PPP1R16B: variants seen among roughly 807,000 people sequenced by gnomAD.
PPP1R16B encodes protein phosphatase 1 regulatory inhibitor subunit 16B.
PPP1R16B carries 14 observed loss-of-function variants against 61.7 expected under a neutral mutation model. That is an observed-to-expected ratio of 0.23 (90% CI 0.15 to 0.35). PPP1R16B has a LOEUF of 0.35. Among genes scored for constraint, PPP1R16B ranks in the 10% least tolerant of loss-of-function variants. PPP1R16B has a pLI of 1.00. For missense variants in PPP1R16B, 547 were observed against 752.5 expected, an observed-to-expected ratio of 0.73 and a Z score of 3.19; for synonymous variants, 266 against 305.3, an observed-to-expected ratio of 0.87 and a Z score of 1.34.
At chr20:38,915,580 G>T (rs1419778072) in intron 10 of PPP1R16B, among the ~76,000 whole-genome samples, 1 of 152,100 alleles carries the variant, frequency 6.6e-6, no homozygotes, top group Non-Finnish European at 1.5e-5. Context: ...CTGCCTCCTG[G>T]TTCAAACAAT....
At chr20:38,870,785 C>T (rs2085123560) in intron 2 of PPP1R16B, among the ~76,000 whole-genome samples, 1 of 152,154 alleles carries the variant, frequency 6.6e-6, no homozygotes. Context: ...GTTCTCAGCT[C>T]CAAGAGGCAG....
intron 2 of PPP1R16B, among the ~76,000 whole-genome samples, chr20:38,867,985 T>G (rs779074327): frequency 3.9e-5 from 6 of 152,200 alleles, no homozygotes; most frequent in Non-Finnish European, 7.4e-5. Context: ...GATTCTTTGA[T>G]TCTATCAGTT....
intron 1 of PPP1R16B, among the ~76,000 whole-genome samples, chr20:38,822,504 C>CT (rs972450839): frequency 0.021 from 2,226 of 104,198 alleles, 70 homozygotes; most frequent in East Asian, 0.092. Flanking sequence ...GCCTTCCAAT[C>CT]TTTTTTTTTT....
rs879146466 is a variant in PPP1R16B at position 38,895,970 on chromosome 20, C to T, written c.467+260C>T. ...CTCCCTCCCTCCTTTCTTCTTTCTT[C>T]CCTCCCTCCCTCCTTCCTTCTTTCT... On this transcript the variant is annotated intron_variant, in intron 4 of 10. Coordinates refer to ENST00000299824, the MANE Select transcript of PPP1R16B (RefSeq NM_015568.4). Among the ~76,000 whole-genome samples, 42 of 91,064 alleles carry T rather than the reference C, an allele frequency of 4.6e-4. 1 individual carries two copies. Among genetic ancestry groups the T allele is most frequent in the African/African-American group, 7.5e-4 (14 of 18,744 alleles). 59.7% of individuals were successfully genotyped at this position (91,064 alleles called of 152,430 possible). A position where few individuals can be genotyped will look rare whatever the true frequency, so the allele number is the denominator to read the frequency against.
At chr20:38,834,517 G>A (rs895168214) in intron 1 of PPP1R16B, among the ~76,000 whole-genome samples, 6 of 152,166 alleles carry the variant, frequency 3.9e-5, no homozygotes, top group African/African-American at 1.2e-4. Context: ...ACTCATGAGA[G>A]CAAGGATGTA....
intron 10 of PPP1R16B, among the ~76,000 whole-genome samples, chr20:38,915,129 CTGATGAGCCAATAT>C (rs1318555198): frequency 6.6e-6 from 1 of 152,156 alleles, no homozygotes; most frequent in African/African-American, 2.4e-5. Context: ...TATGTTATCA[CTGATGAGCCAATAT>C]TGATACATTA....
chr20:38,915,092 A>G (rs1006290283), intron 10 of PPP1R16B, among the ~76,000 whole-genome samples: 4 of 152,046 alleles, frequency 2.6e-5, no homozygotes, highest in African/African-American at 9.7e-5. Context: ...TTCCCCTGTT[A>G]TTAACAACTA....
rs1342211632 is a variant in PPP1R16B, at chr20:38,850,505, G to A, written c.250+14330G>A. The stretch of plus-strand genomic sequence containing the variant: ...CAATAAGGATTTGCCTTCTAGACCA[G>A]AATTGTGCAATAGAATTTTTTTCTG... On this transcript the variant is annotated intron_variant, in intron 2 of 10. Transcript: ENST00000299824. Among the ~76,000 whole-genome samples, 3 of 152,174 alleles carry A rather than the reference G, an allele frequency of 2.0e-5. No homozygotes were observed. In the East Asian group the frequency reaches 5.8e-4, roughly 29 times the overall value.
rs1601223520 is a variant in PPP1R16B, at chr20:38,806,480, A to T, written c.-102+688A>T. On this transcript the variant is annotated intron_variant, in intron 1 of 10. Transcript: ENST00000299824. The surrounding 1 kb of genome is among the most constrained non-coding windows in gnomAD (Gnocchi z 4.5). ...CGCCGGCGGCTGGGTCCCCCGCGCC[A>T]GGAGCGCTCCCCTCTGGGCGACTCC... 1.3e-5 allele frequency among the ~76,000 whole-genome samples: 2 copies of T among 151,938 alleles called. 1 individual carries two copies. The highest frequency in any genetic ancestry group is 4.1e-4 in the South Asian group (2 of 4,828).
intron 3 of PPP1R16B, 32 bp from the exon 4 acceptor site, chr20:38,895,533 T>C (rs1224791170): frequency 6.2e-7 from 1 of 1,609,694 alleles, no homozygotes; most frequent in Non-Finnish European, 8.5e-7. Flanking sequence ...GTGCCCTGCC[T>C]GGAGCTGACT....
At position 38,918,432 on chromosome 20, in the gene PPP1R16B, C is replaced by T. The variant is rs145267727; in HGVS notation, c.1470C>T (p.Ala490=). 2 of 1,614,074 alleles carry T rather than the reference C, an allele frequency of 1.2e-6. No homozygotes were observed. The highest frequency in any genetic ancestry group is 1.7e-6 in the Non-Finnish European group (2 of 1,180,052). Residue 490 remains alanine (A), a synonymous_variant, in exon 11 of 11, where the codon GCC becomes GCT. Coordinates refer to ENST00000299824, the MANE Select transcript of PPP1R16B (RefSeq NM_015568.4). This position sits in a 1 kb window ranked among gnomAD's most constrained non-coding sequence, Gnocchi z 5.3. ...LLELKRQRAA[A]KLLSHPFLST... The stretch of plus-strand genomic sequence containing the variant: ...AGCTGAAGCGGCAGCGGGCTGCAGC[C>T]AAGCTGCTCAGCCACCCCTTCCTTA...
intron 1 of PPP1R16B, among the ~76,000 whole-genome samples, chr20:38,831,009 A>G (rs185984234): frequency 6.6e-6 from 1 of 152,356 alleles, no homozygotes; most frequent in East Asian, 1.9e-4. Context: ...TAGGGCTGAA[A>G]GACATCTCAC....
intron 1 of PPP1R16B, among the ~76,000 whole-genome samples, chr20:38,814,974 G>T (rs1414150926): frequency 6.6e-6 from 1 of 152,124 alleles, no homozygotes; most frequent in East Asian, 1.9e-4. Flanking sequence ...AGGAAATGTT[G>T]CCTTATAAAC....
chr20:38,850,284 C>T (rs2084959854), intron 2 of PPP1R16B, among the ~76,000 whole-genome samples: 1 of 152,092 alleles, frequency 6.6e-6, no homozygotes, highest in South Asian at 2.1e-4. Context: ...GAGCCATATG[C>T]CCACTCCTGG....
chr20:38,832,628 G>A (rs540876281), intron 1 of PPP1R16B, among the ~76,000 whole-genome samples: 12 of 152,296 alleles, frequency 7.9e-5, no homozygotes, highest in Non-Finnish European at 1.5e-4. Flanking sequence ...TCTTTTAAAA[G>A]TAAACATGTG....
rs16987615 is a variant in PPP1R16B, at chr20:38,816,285, C to A, written c.-102+10493C>A. Reference sequence around the variant, plus strand: ...ACCGATCACTCAAACCCGGGCAGATCTGTACGTTGGTCCAGATAGAGTGGG... The same window carrying A: ...ACCGATCACTCAAACCCGGGCAGATATGTACGTTGGTCCAGATAGAGTGGG... On this transcript the variant is annotated intron_variant, in intron 1 of 10. Coordinates refer to ENST00000299824, the MANE Select transcript of PPP1R16B (RefSeq NM_015568.4). Among the ~76,000 whole-genome samples, 221 of 152,266 alleles carry A rather than the reference C, an allele frequency of 1.5e-3. 1 individual carries two copies. Among genetic ancestry groups the A allele is most frequent in the African/African-American group, 5.1e-3 (214 of 41,556 alleles).
rs540764342 is a variant in PPP1R16B, at chr20:38,907,285, G to T, written c.898+231G>T. ...GTGGTAGATGGGTAGATATTATGAG[G>T]TCTGGTTGAATGGATGGGTGGGTGG... On this transcript the variant is annotated intron_variant, in intron 8 of 10. Coordinates refer to ENST00000299824, the MANE Select transcript of PPP1R16B (RefSeq NM_015568.4). The surrounding 1 kb of genome is among the most constrained non-coding windows in gnomAD (Gnocchi z 4.5). Among the ~76,000 whole-genome samples the T allele has an allele frequency of 2.0e-5, 3 of 151,186 alleles. No homozygotes were observed. Among genetic ancestry groups the T allele is most frequent in the South Asian group, 2.1e-4 (1 of 4,786 alleles).
intron 3 of PPP1R16B, among the ~76,000 whole-genome samples, chr20:38,893,219 G>T (rs1383050848): frequency 1.3e-5 from 2 of 152,182 alleles, no homozygotes; most frequent in African/African-American, 4.8e-5. Flanking sequence ...TTGACAATGT[G>T]ATGTGACATG....
At chr20:38,900,045 C>T (rs112366843) in intron 4 of PPP1R16B, among the ~76,000 whole-genome samples, 3,018 of 152,262 alleles carry the variant, frequency 0.02, 39 homozygotes, top group Middle Eastern at 0.058. Context: ...CCGCCCGCCT[C>T]GCCCTCCCAA....
Sources: gnomAD v4.1 joint callset for allele counts (sites outside exome capture counted in the v4.1 genomes callset) on GRCh38, gnomAD v4.1.1 for gene constraint, Gnocchi (gnomAD v3.1) non-coding constraint, MANE v1.5 for transcripts, NCBI Gene and HGNC (gene_info 2026-07-23, HGNC 2026-07-21) for gene names.